NPIPB11: variants seen among roughly 807,000 people sequenced by gnomAD.
The protein encoded by NPIPB11 is nuclear pore complex interacting protein family member B11.
NPIPB11 carries 17 observed loss-of-function variants against 32.8 expected under a neutral mutation model. The ratio of observed to expected loss-of-function variants is 0.52; its 90% CI spans 0.35 to 0.78. The LOEUF (loss-of-function observed/expected upper bound fraction) is 0.78. NPIPB11 is among the 30% of genes least tolerant of loss of function. The pLI, the probability that NPIPB11 is intolerant of heterozygous loss-of-function variation, is 0.01. For synonymous variants in NPIPB11, 209 were observed against 398.4 expected (o/e 0.52, Z 5.66); for missense variants, 537 against 1,000.4 (o/e 0.54, Z 6.25).
At chr16:29,394,416 TAA>T (rs146216029) in intron 2 of NPIPB11, among the ~76,000 whole-genome samples, 2 of 140,396 alleles carry the variant, frequency 1.4e-5, no homozygotes, top group Admixed American at 7.3e-5. Flanking sequence ...GCTGATGATC[TAA>T]AAAAAAACCT....
rs1963657346 is a variant in NPIPB11 at position 29,389,519 on chromosome 16, CA to C, written c.545+421del. Among the ~76,000 whole-genome samples, 3 of 148,398 alleles carry C rather than the reference CA, an allele frequency of 2.0e-5. No individual in the cohort carries two copies. The South Asian group carries it at 6.4e-4, about 32-fold the overall frequency. On this transcript the variant is annotated intron_variant, in intron 5 of 7. Coordinates refer to ENST00000524087, the Ensembl canonical transcript of NPIPB11. Reference sequence around the variant, plus strand: ...TGAAACCCCATCTCTAGTAAAAATACAAAAATTAGCTGGGCGTGATGGTGGG... The same window carrying C: ...TGAAACCCCATCTCTAGTAAAAATACAAAATTAGCTGGGCGTGATGGTGGG...
chr16:29,384,114 G>T, exon 8 of NPIPB11: 1 of 1,268,592 alleles, frequency 7.9e-7, no homozygotes, highest in Non-Finnish European at 1.1e-6. Context: ...GGGTGGAAGG[G>T]GAGTGAGCAG....
At chr16:29,388,270 GAGA>G (rs1663438322) in intron 5 of NPIPB11, among the ~76,000 whole-genome samples, 1 of 3,120 alleles carries the variant, frequency 3.2e-4, no homozygotes, top group African/African-American at 9.7e-4. Flanking sequence ...GGTGAAGATG[GAGA>G]AGAAGGAAAC....
chr16:29,396,687 G>A (rs1451494463), intron 2 of NPIPB11, among the ~76,000 whole-genome samples: 1 of 151,340 alleles, frequency 6.6e-6, no homozygotes, highest in Non-Finnish European at 1.5e-5. Context: ...CTCAAACCTG[G>A]GAAGCAGAGG....
At chr16:29,401,224 A>G (rs4017113) in intron 2 of NPIPB11, among the ~76,000 whole-genome samples, 3 of 152,220 alleles carry the variant, frequency 2.0e-5, no homozygotes, top group South Asian at 2.1e-4. Flanking sequence ...TTGCAGGAAA[A>G]ATAGTGCCTG....
chr16:29,401,292 C>G (rs1459224989), intron 2 of NPIPB11, among the ~76,000 whole-genome samples: 1 of 152,102 alleles, frequency 6.6e-6, no homozygotes, highest in Admixed American at 6.5e-5. Flanking sequence ...CCTTCCAGAT[C>G]AACTCTCTCA....
intron 2 of NPIPB11, among the ~76,000 whole-genome samples, chr16:29,401,860 G>T (rs1488753551): frequency 4.6e-5 from 7 of 151,820 alleles, no homozygotes; most frequent in African/African-American, 1.5e-4. Context: ...GAGAGCCATG[G>T]AGGATGTGCA....
intron 3 of NPIPB11, 50 bp downstream of exon 3, chr16:29,393,898 T>C: frequency 7.0e-7 from 1 of 1,422,614 alleles, no homozygotes; most frequent in Non-Finnish European, 9.5e-7. Context: ...ATATAATTTA[T>C]TCTTATTTGT....
intron 2 of NPIPB11, among the ~76,000 whole-genome samples, chr16:29,400,157 G>T (rs1337737379): frequency 3.3e-5 from 5 of 150,968 alleles, no homozygotes; most frequent in Non-Finnish European, 5.9e-5. Flanking sequence ...GTTGAAGTCA[G>T]ATTAGACCAA....
intron 3 of NPIPB11, among the ~76,000 whole-genome samples, chr16:29,392,666 C>T (rs1383560817): frequency 6.6e-6 from 1 of 150,382 alleles, no homozygotes; most frequent in African/African-American, 2.5e-5. Context: ...GCCGAGGTCA[C>T]ACCATTATAC....
intron 2 of NPIPB11, among the ~76,000 whole-genome samples, chr16:29,401,550 TCTC>T (rs1963991594): frequency 6.6e-6 from 1 of 152,076 alleles, no homozygotes; most frequent in Non-Finnish European, 1.5e-5. Context: ...AGTTCCCCAC[TCTC>T]CTCCTCTGCC....
At chr16:29,400,427 T>C (rs1307758234) in intron 2 of NPIPB11, among the ~76,000 whole-genome samples, 1 of 150,786 alleles carries the variant, frequency 6.6e-6, no homozygotes. Context: ...GACCCTGGGC[T>C]GGTTTCCTTC....
Position 29,402,720 on chromosome 16 carries a change from C to G in NPIPB11, c.120+963G>C, listed in dbSNP as rs1322063054. Among the ~76,000 whole-genome samples the G allele has an allele frequency of 5.2e-3, 605 of 116,772 alleles. 9 individuals carry two copies. Among genetic ancestry groups the G allele is most frequent in the Admixed American group, 0.046 (510 of 11,148 alleles). The allele number at this position is 116,772 out of a possible 152,430, so 76.6% of individuals were successfully genotyped here. ...TCTGTCTCTCTCTCTCTCTCTCTCT[C>G]TCTCTGTGTGTGTGTGTGTGTGTGT... On this transcript the variant is annotated intron_variant, in intron 2 of 7. Transcript: ENST00000524087.
chr16:29,402,111 C>T (rs1964006041), intron 2 of NPIPB11, among the ~76,000 whole-genome samples: 1 of 150,158 alleles, frequency 6.7e-6, no homozygotes, highest in Admixed American at 6.6e-5. Context: ...GCCTCAGTTT[C>T]AACTCTGTAA....
chr16:29,397,417 C>A (rs949836208), intron 2 of NPIPB11, among the ~76,000 whole-genome samples: 1 of 151,300 alleles, frequency 6.6e-6, no homozygotes, highest in African/African-American at 2.4e-5. Flanking sequence ...CGCCATGATG[C>A]CCTGGCTAGT....
chr16:29,390,512 G>A (rs1209028442), intron 3 of NPIPB11, among the ~76,000 whole-genome samples, 164 bp from the exon 4 acceptor site: 1 of 151,692 alleles, frequency 6.6e-6, no homozygotes, highest in Non-Finnish European at 1.5e-5. Flanking sequence ...AATTAGCCGG[G>A]CATGGCAGCG....
At chr16:29,404,786 G>T (rs1004120622), upstream of NPIPB11, among the ~76,000 whole-genome samples, 4 of 146,418 alleles carry the variant, frequency 2.7e-5, no homozygotes, top group African/African-American at 1.0e-4. Context: ...GGTCACCTGT[G>T]CCAGCCCTGT....
intron 2 of NPIPB11, among the ~76,000 whole-genome samples, chr16:29,394,732 A>AT (rs901775371): frequency 5.3e-5 from 8 of 151,220 alleles, no homozygotes; most frequent in African/African-American, 1.2e-4. Context: ...GTGCCCAGCC[A>AT]TTTTTTTGTT....
chr16:29,401,056 A>G (rs1275424534), intron 2 of NPIPB11, among the ~76,000 whole-genome samples: 1 of 152,114 alleles, frequency 6.6e-6, no homozygotes, highest in Non-Finnish European at 1.5e-5. Context: ...GGCCATTGGA[A>G]CAAAGAGGAA....
Sources: gnomAD v4.1 joint callset for allele counts (sites outside exome capture counted in the v4.1 genomes callset) on GRCh38, gnomAD v4.1.1 for gene constraint, MANE v1.5 for transcripts, NCBI Gene and HGNC (gene_info 2026-07-23, HGNC 2026-07-21) for gene names.